MECOM: variants seen among roughly 807,000 people sequenced by gnomAD.
MECOM encodes the protein histone-lysine N-methyltransferase MECOM.
In MECOM, 13 loss-of-function variants were observed where a neutral mutation model predicts 116.3. The ratio of observed to expected loss-of-function variants is 0.11; its 90% CI spans 0.07 to 0.18. The LOEUF (loss-of-function observed/expected upper bound fraction) is 0.18. Among genes scored for constraint, MECOM ranks in the 10% least tolerant of loss-of-function variants. The pLI, the probability that MECOM is intolerant of heterozygous loss-of-function variation, is 1.00. For synonymous variants in MECOM, 528 were observed against 535.2 expected, an observed-to-expected ratio of 0.99 and a Z score of 0.19; for missense variants, 1,299 against 1,509.0, an observed-to-expected ratio of 0.86 and a Z score of 2.31.
intron 1 of MECOM, among the ~76,000 whole-genome samples, chr3:169,391,200 A>AG (rs1405598764): frequency 6.6e-6 from 1 of 152,214 alleles, no homozygotes; most frequent in Non-Finnish European, 1.5e-5. Flanking sequence ...GTTTGATAAG[A>AG]AGCAGAGAGT....
chr3:169,263,077 CTATATATATATATATA>C lies in MECOM; in HGVS notation c.375+118094_375+118109del, dbSNP rs748506622. Among the ~76,000 whole-genome samples, 314 of 32,920 alleles carry C rather than the reference CTATATATATATATATA, an allele frequency of 9.5e-3. 7 individuals are homozygous for C. Among genetic ancestry groups the C allele is most frequent in the African/African-American group, 0.026 (250 of 9,620 alleles). 21.6% of individuals were successfully genotyped at this position (32,920 alleles called of 152,430 possible). A position where few individuals can be genotyped will look rare whatever the true frequency, so the allele number is the denominator to read the frequency against. On this transcript the variant is annotated intron_variant, in intron 2 of 16. Transcript: ENST00000651503. ...TATTTGTTGCCTTTTTTTCAAGATG[CTATATATATATATATA>C]TATATATATATATATATATATATAT... is the stretch of plus-strand genomic sequence containing the variant.
In MECOM at chr3:169,090,118, C is replaced by T. The variant is rs1209999207; in HGVS notation, c.3283G>A (p.Asp1095Asn). 1.9e-6 allele frequency: 3 copies of T among 1,613,564 alleles called. No homozygotes were observed. The highest frequency in any genetic ancestry group is 1.1e-5 in the South Asian group (1 of 91,062). Residue 1095 changes from aspartate to asparagine, a missense_variant, in exon 15 of 17, where the codon GAT becomes AAT. Asp to Asn is a conservative substitution (Grantham distance 23). Transcript: ENST00000651503. ...VLLDEEDEDN[D>N]ITGKTGKEPV... is the part of the protein sequence containing the mutation. ...TCCTTTCCTGTTTTTCCAGTAATAT[C>T]ATTGTCTTCATCCTCCTCATCTAAC...
At chr3:169,457,130 A>G (rs977131012) in intron 1 of MECOM, among the ~76,000 whole-genome samples, 1 of 152,150 alleles carries the variant, frequency 6.6e-6, no homozygotes, top group Non-Finnish European at 1.5e-5. Context: ...CTCCACAGCT[A>G]AAACCAGCTC....
intron 2 of MECOM, among the ~76,000 whole-genome samples, chr3:169,186,848 T>A (rs1746849902): frequency 6.6e-6 from 1 of 152,070 alleles, no homozygotes; most frequent in African/African-American, 2.4e-5. Context: ...TGAGCTGCAG[T>A]CGTCTTTACG....
intron 2 of MECOM, among the ~76,000 whole-genome samples, chr3:169,286,290 G>T (rs1267312438): frequency 6.6e-6 from 1 of 152,206 alleles, no homozygotes; most frequent in Non-Finnish European, 1.5e-5. Flanking sequence ...CAGAAGCAAA[G>T]ATTTCCTTCT....
chr3:169,205,144 G>A (rs1163645580), intron 2 of MECOM, among the ~76,000 whole-genome samples: 1 of 152,064 alleles, frequency 6.6e-6, no homozygotes, highest in Admixed American at 6.6e-5. Flanking sequence ...ATCACATCAA[G>A]CTGCTAGGCT....
At chr3:169,300,210 G>A (rs1043790541) in intron 2 of MECOM, among the ~76,000 whole-genome samples, 2 of 152,108 alleles carry the variant, frequency 1.3e-5, no homozygotes, top group African/African-American at 4.8e-5. Flanking sequence ...CTAGCCCACT[G>A]TCATAATTAC....
intron 1 of MECOM, among the ~76,000 whole-genome samples, chr3:169,521,314 T>G (rs1160735574): frequency 8.5e-5 from 13 of 152,152 alleles, no homozygotes; most frequent in Admixed American, 8.5e-4. Flanking sequence ...GTAAGTGTCT[T>G]GATTATTTTT....
At chr3:169,426,292 G>C (rs1457555854) in intron 1 of MECOM, among the ~76,000 whole-genome samples, 1 of 152,160 alleles carries the variant, frequency 6.6e-6, no homozygotes, top group Non-Finnish European at 1.5e-5. Context: ...CAATGATTCT[G>C]TCAGGTAAGT....
chr3:169,228,848 C>T (rs1753049754), intron 2 of MECOM, among the ~76,000 whole-genome samples: 1 of 152,144 alleles, frequency 6.6e-6, no homozygotes, highest in Non-Finnish European at 1.5e-5. Flanking sequence ...AAGTTTAAGG[C>T]TTTTTATGCT....
intron 2 of MECOM, among the ~76,000 whole-genome samples, chr3:169,194,853 C>T (rs1353632973): frequency 5.9e-5 from 9 of 152,008 alleles, no homozygotes; most frequent in Non-Finnish European, 8.8e-5. Flanking sequence ...TACATAATTA[C>T]ACTTACATTC....
At chr3:169,372,263 T>C (rs1157655495) in intron 2 of MECOM, among the ~76,000 whole-genome samples, 1 of 152,082 alleles carries the variant, frequency 6.6e-6, no homozygotes, top group African/African-American at 2.4e-5. Context: ...CAAAGCCGGG[T>C]CTGGCACATG....
intron 1 of MECOM, among the ~76,000 whole-genome samples, chr3:169,617,492 T>C (rs1254177900): frequency 6.6e-6 from 1 of 152,210 alleles, no homozygotes; most frequent in East Asian, 1.9e-4. Flanking sequence ...AGTGGCAAAG[T>C]ATACTGTATA....
chr3:169,604,092 C>T (rs562783726), intron 1 of MECOM, among the ~76,000 whole-genome samples: 52 of 152,158 alleles, frequency 3.4e-4, no homozygotes, highest in South Asian at 8.3e-4. Context: ...AAAAATGATA[C>T]GGAGTGGAGG....
intron 1 of MECOM, among the ~76,000 whole-genome samples, chr3:169,564,956 G>T (rs1418893590): frequency 3.3e-5 from 5 of 152,210 alleles, no homozygotes; most frequent in Non-Finnish European, 5.9e-5. Context: ...TTTGAAGAAG[G>T]ATGGTACAGG....
At position 169,499,582 on chromosome 3, in the gene MECOM, G is replaced by T. The variant is rs527879012; in HGVS notation, c.38-118058C>A. On this transcript the variant is annotated intron_variant, in intron 1 of 16. Transcript: ENST00000651503. ...AAGCTAACTTCTCAGGAGCTATCTT[G>T]GAAAGAAATACTAAACAATTTACTT... is the stretch of plus-strand genomic sequence containing the variant. 8.6e-5 allele frequency among the ~76,000 whole-genome samples: 13 copies of T among 150,304 alleles called. 1 individual carries two copies. In the South Asian group the frequency reaches 2.7e-3, roughly 31 times the overall value.
At chr3:169,599,754 G>T (rs1055929840) in intron 1 of MECOM, among the ~76,000 whole-genome samples, 37 of 152,192 alleles carry the variant, frequency 2.4e-4, no homozygotes, top group Non-Finnish European at 4.3e-4. Context: ...AAAAGGGAAA[G>T]AATCAAATAC....
chr3:169,418,547 T>A (rs1350739135), intron 1 of MECOM, among the ~76,000 whole-genome samples: 1 of 152,124 alleles, frequency 6.6e-6, no homozygotes, highest in African/African-American at 2.4e-5. Flanking sequence ...GCTTATCCAC[T>A]ATGATCAAGT....
intron 2 of MECOM, among the ~76,000 whole-genome samples, chr3:169,266,828 T>A (rs1199890354): frequency 6.6e-6 from 1 of 152,112 alleles, no homozygotes; most frequent in Non-Finnish European, 1.5e-5. Context: ...TCTTTTTTTT[T>A]AAACCTTACT....
Sources: gnomAD v4.1 joint callset for allele counts (sites outside exome capture counted in the v4.1 genomes callset) on GRCh38, gnomAD v4.1.1 for gene constraint, MANE v1.5 for transcripts, NCBI Gene and HGNC (gene_info 2026-07-23, HGNC 2026-07-21) for gene names.